Variants in NCOA5 observed in about 807,000 individuals in gnomAD.
The protein encoded by NCOA5 is nuclear receptor coactivator 5.
In NCOA5, 12 loss-of-function variants were observed where a neutral mutation model predicts 59.0. The observed-to-expected ratio is 0.20, with a 90% CI of 0.13 to 0.33. The LOEUF is 0.33. Ranked by LOEUF, NCOA5 falls within the 10% of genes least tolerant of loss-of-function variation. The pLI is 1.00. For missense variants in NCOA5, 655 were observed against 766.6 expected (o/e 0.85, Z 1.72); for synonymous variants, 270 against 275.5 (o/e 0.98, Z 0.20).
chr20:46,079,283 T>C, intron 2 of NCOA5, 104 bp downstream of exon 2: 1 of 1,093,230 alleles, frequency 9.1e-7, no homozygotes. Flanking sequence ...TGCTTGAGCG[T>C]TTCACTTGTT....
rs2084765308 is a variant in NCOA5 at position 46,061,683 on chromosome 20, AAAC to A, written c.*614_*616del. On this transcript the variant is annotated 3_prime_UTR_variant, in exon 8 of 8. Coordinates refer to ENST00000290231, the MANE Select transcript of NCOA5 (RefSeq NM_020967.3). Reference sequence around the variant, plus strand: ...AAAAAAGAAAAGAGAAAAAAACAAAAAACAACCTTGGCTCAGAGAGAAAAATTC... The same window carrying A: ...AAAAAAGAAAAGAGAAAAAAACAAAAAACCTTGGCTCAGAGAGAAAAATTC... The A allele has an allele frequency of 6.6e-6, 1 of 152,594 alleles. No homozygotes were observed. Among genetic ancestry groups the A allele is most frequent in the African/African-American group, 2.4e-5 (1 of 41,454 alleles). 9.5% of individuals were successfully genotyped at this position (152,594 alleles called of 1,614,324 possible). A position where few individuals can be genotyped will look rare whatever the true frequency, so the allele number is the denominator to read the frequency against.
intron 4 of NCOA5, among the ~76,000 whole-genome samples, chr20:46,067,655 TAAAATTAA>T (rs2084839145): frequency 6.6e-6 from 1 of 152,034 alleles, no homozygotes; most frequent in African/African-American, 2.4e-5. Context: ...GTATAAAGTT[TAAAATTAA>T]AAAATTAAAA....
Position 46,079,401 on chromosome 20 carries a change from G to A in NCOA5, c.24C>T (p.Pro8=), listed in dbSNP as rs1743298421. The part of the protein sequence containing the change: MNTAPSR[P]SPTRRDPYGF... ...GGGTACTTTACCTTCGTGTGGGGCTGGGTCTTGATGGAGCCGTATTCATAT... is the reference window on the plus strand; with the variant it reads ...GGGTACTTTACCTTCGTGTGGGGCTAGGTCTTGATGGAGCCGTATTCATAT... The change falls in exon 2 of 8, where the codon CCC becomes CCT. Residue 8 remains proline, a synonymous_variant. Transcript: ENST00000290231. 1.2e-6 allele frequency: 2 copies of A among 1,613,992 alleles called. No homozygotes were observed.
intron 2 of NCOA5, among the ~76,000 whole-genome samples, 165 bp downstream of exon 2, chr20:46,079,222 G>T (rs894121349): frequency 1.3e-5 from 2 of 152,064 alleles, no homozygotes. Flanking sequence ...CCTGATGTAT[G>T]TTTAAAAAAA....
At chr20:46,084,727 G>A (rs561046912) in intron 1 of NCOA5, among the ~76,000 whole-genome samples, 1 of 152,236 alleles carries the variant, frequency 6.6e-6, no homozygotes, top group East Asian at 1.9e-4. Flanking sequence ...GCCTGTGTTA[G>A]CTATGTTGAC....
Position 46,070,460 on chromosome 20 carries a change from G to C in NCOA5, c.115C>G (p.Pro39Ala). 6.2e-7 allele frequency: 1 copy of C among 1,613,986 alleles called. No homozygotes were observed. The highest frequency in any genetic ancestry group is 8.5e-7 in the Non-Finnish European group (1 of 1,179,994). ...SPIRGSPRREPRDGRNGRDAR... is the reference protein window; with the variant it reads ...SPIRGSPRREARDGRNGRDAR... ...TCCCGGCCATTTCTGCCATCCCTGG[G>C]CTCTCTCCTTGGACTTCCTCGAATT... The change falls in exon 3 of 8, where the codon CCC becomes GCC. Residue 39 changes from proline to alanine, a missense_variant. Pro to Ala is a conservative substitution (Grantham distance 27, BLOSUM62 -1). Around this residue, in one of 3 missense-constraint regions of NCOA5, gnomAD observed 250 missense variants for 260.1 expected, o/e 0.96. Transcript: ENST00000290231.
intron 6 of NCOA5, among the ~76,000 whole-genome samples, 194 bp from the exon 7 acceptor site, chr20:46,063,874 G>T (rs1351378432): frequency 6.6e-6 from 1 of 152,146 alleles, no homozygotes; most frequent in East Asian, 1.9e-4. Context: ...AACACTTTTG[G>T]TGAGGAGATG....
chr20:46,087,772 C>A (rs1333650720), intron 1 of NCOA5, among the ~76,000 whole-genome samples: 1 of 152,100 alleles, frequency 6.6e-6, no homozygotes, highest in Non-Finnish European at 1.5e-5. Flanking sequence ...CCAAAACAAA[C>A]AAGTTGTTTT....
intron 4 of NCOA5, among the ~76,000 whole-genome samples, chr20:46,068,105 AT>A (rs556038899): frequency 6.6e-6 from 1 of 150,560 alleles, no homozygotes; most frequent in African/African-American, 2.4e-5. Flanking sequence ...CAATTTTTGT[AT>A]TTTTTTTTGT....
In NCOA5 at chr20:46,082,649, G is replaced by A. The variant is rs1179532513; in HGVS notation, c.-29-3196C>T. On this transcript the variant is annotated intron_variant, in intron 1 of 7. Transcript: ENST00000290231. ...TGTTAATTATACTAGCAATGTGAAT[G>A]CCATTCAAAATCATCATAATCACCA... 4.6e-5 allele frequency among the ~76,000 whole-genome samples: 7 copies of A among 152,174 alleles called. No individual in the cohort carries two copies. The East Asian group carries it at 1.3e-3, about 29-fold the overall frequency.
chr20:46,065,603 A>G (rs1313282010), intron 5 of NCOA5, among the ~76,000 whole-genome samples: 1 of 152,240 alleles, frequency 6.6e-6, no homozygotes, highest in Non-Finnish European at 1.5e-5. Context: ...TTTGGATCCC[A>G]GCCCTTAAAA....
chr20:46,073,529 A>C lies in NCOA5; in HGVS notation c.39-2993T>G, dbSNP rs529427307. ...GTGGGCAAACACTCAAGATCCAAAG[A>C]GAAAGGACAACTGCAAAGTATTTTT... On this transcript the variant is annotated intron_variant, in intron 2 of 7. Transcript: ENST00000290231. 2.0e-5 allele frequency among the ~76,000 whole-genome samples: 3 copies of C among 152,356 alleles called. No homozygotes were observed. The East Asian group carries it at 5.8e-4, about 29-fold the overall frequency.
At position 46,070,464 on chromosome 20, in the gene NCOA5, T is replaced by A. The variant is rs767337511; in HGVS notation, c.111A>T (p.Arg37Ser). 2.5e-6 allele frequency: 4 copies of A among 1,614,060 alleles called. No individual in the cohort carries two copies. The South Asian group carries it at 4.4e-5, about 18-fold the overall frequency. Reference sequence around the variant, plus strand: ...GGCCATTTCTGCCATCCCTGGGCTCTCTCCTTGGACTTCCTCGAATTGGGG... The same window carrying A: ...GGCCATTTCTGCCATCCCTGGGCTCACTCCTTGGACTTCCTCGAATTGGGG... Reference protein sequence around the residue: ...DRSPIRGSPRREPRDGRNGRD... With the variant: ...DRSPIRGSPRSEPRDGRNGRD... Residue 37 changes from arginine to serine, a missense_variant, in exon 3 of 8, where the codon AGA (arginine) becomes AGT (serine). Transcript: ENST00000290231.
At chr20:46,076,161 C>T (rs184611652) in intron 2 of NCOA5, among the ~76,000 whole-genome samples, 66 of 152,274 alleles carry the variant, frequency 4.3e-4, no homozygotes, top group Admixed American at 5.2e-4. Flanking sequence ...AGAGGTATAA[C>T]TTTAGGAAAT....
At chr20:46,063,036 A>G in intron 7 of NCOA5, 147 bp from the exon 8 acceptor site, 2 of 737,512 alleles carry the variant, frequency 2.7e-6, no homozygotes, top group Non-Finnish European at 2.1e-6. Flanking sequence ...AGGCCGCTTC[A>G]TGATATGTGC....
At chr20:46,069,399 C>T (rs2084857885) in intron 3 of NCOA5, among the ~76,000 whole-genome samples, 1 of 152,190 alleles carries the variant, frequency 6.6e-6, no homozygotes, top group Non-Finnish European at 1.5e-5. Context: ...ATCAGAATTT[C>T]ATTTCATTTT....
chr20:46,080,124 C>A (rs1383608954), intron 1 of NCOA5, among the ~76,000 whole-genome samples: 3 of 152,088 alleles, frequency 2.0e-5, no homozygotes, highest in Non-Finnish European at 4.4e-5. Context: ...TAATAAAACA[C>A]TCCTCCTAAG....
chr20:46,085,394 T>G (rs942069094), intron 1 of NCOA5, among the ~76,000 whole-genome samples: 10 of 151,178 alleles, frequency 6.6e-5, no homozygotes, highest in African/African-American at 2.4e-4. Flanking sequence ...CAATCTAAAG[T>G]GGGATTATGG....
Position 46,068,535 on chromosome 20 carries a change from G to C in NCOA5, c.469C>G (p.Pro157Ala). ...RYRDSFDGRG[P>A]PGPESQSRAK... ...CGAGACTGACTTTCTGGGCCTGGAGGGCCCCGTCCATCAAAGCTATCTCTG... is the reference window on the plus strand; with the variant it reads ...CGAGACTGACTTTCTGGGCCTGGAGCGCCCCGTCCATCAAAGCTATCTCTG... Residue 157 changes from proline to alanine, a missense_variant, in exon 4 of 8, where the codon CCT (proline) becomes GCT (alanine). Coordinates refer to ENST00000290231, the MANE Select transcript of NCOA5 (RefSeq NM_020967.3). 6.2e-7 allele frequency: 1 copy of C among 1,613,218 alleles called. No individual in the cohort carries two copies. Among genetic ancestry groups the C allele is most frequent in the Non-Finnish European group, 8.5e-7 (1 of 1,179,644 alleles).
Sources: allele counts gnomAD v4.1 joint callset (sites outside exome capture counted in the v4.1 genomes callset), GRCh38; gene constraint gnomAD v4.1.1; regional missense constraint gnomAD v4.1.1; transcripts MANE v1.5; gene names NCBI Gene and HGNC (gene_info 2026-07-23, HGNC 2026-07-21).